The following PDE1A variants were observed in gnomAD, a reference collection of about 807,000 sequenced individuals.
PDE1A encodes dual specificity calcium/calmodulin-dependent 3',5'-cyclic nucleotide phosphodiesterase 1A.
Under a neutral mutation model 61.7 loss-of-function variants are expected in PDE1A, and 35 were observed. The ratio of observed to expected loss-of-function variants is 0.57; its 90% CI spans 0.43 to 0.75. The LOEUF (loss-of-function observed/expected upper bound fraction) is 0.75, where lower values mean the gene tolerates loss of function less well. Among genes scored for constraint, PDE1A ranks in the 30% least tolerant of loss-of-function variants. PDE1A has a pLI of 0.00. For synonymous variants in PDE1A, 232 were observed against 213.2 expected (o/e 1.09, Z -0.77); for missense variants, 597 against 630.6 (o/e 0.95, Z 0.57).
the PDE1A span, among the ~76,000 whole-genome samples, chr2:182,660,013 T>A: frequency 6.6e-6 from 1 of 152,212 alleles, no homozygotes; most frequent in East Asian, 1.9e-4. Context: ...TTACAATAAG[T>A]TACCAAATAT....
the PDE1A span, among the ~76,000 whole-genome samples, chr2:182,710,027 G>A: frequency 1.3e-5 from 2 of 152,130 alleles, no homozygotes; most frequent in Non-Finnish European, 2.9e-5. Flanking sequence ...CTCCCGAGTA[G>A]CTGGGATTAC....
At chr2:182,240,874 T>C (rs909747703) in intron 2 of PDE1A, among the ~76,000 whole-genome samples, 1 of 151,972 alleles carries the variant, frequency 6.6e-6, no homozygotes, top group African/African-American at 2.4e-5. Context: ...ATTCTATCAA[T>C]GTCACAGATT....
chr2:182,182,578 A>G (rs140145943), intron 13 of PDE1A, among the ~76,000 whole-genome samples: 60 of 152,198 alleles, frequency 3.9e-4, no homozygotes, highest in Non-Finnish European at 2.1e-4. Flanking sequence ...GTTCAGATCA[A>G]TCAACATTTT....
chr2:182,288,665 C>G (rs752700458), intron 1 of PDE1A, among the ~76,000 whole-genome samples: 1 of 151,988 alleles, frequency 6.6e-6, no homozygotes, highest in African/African-American at 2.4e-5. Flanking sequence ...AACTTGAACT[C>G]TTAAACAGAT....
chr2:182,662,079 G>A, the PDE1A span, among the ~76,000 whole-genome samples: 2 of 151,444 alleles, frequency 1.3e-5, no homozygotes, highest in Non-Finnish European at 2.9e-5. Flanking sequence ...TAGGGGAGAG[G>A]GGGCTTACCC....
At chr2:182,248,993 C>T (rs1691195483) in intron 2 of PDE1A, among the ~76,000 whole-genome samples, 1 of 152,208 alleles carries the variant, frequency 6.6e-6, no homozygotes, top group South Asian at 2.1e-4. Context: ...GACTAAACTG[C>T]TATATGTTCT....
chr2:182,656,965 C>T, the PDE1A span, among the ~76,000 whole-genome samples: 1 of 152,188 alleles, frequency 6.6e-6, no homozygotes, highest in South Asian at 2.1e-4. Flanking sequence ...TGGCTCATGC[C>T]TGTAATCCCA....
At chr2:182,172,081 C>T (rs763039601) in intron 13 of PDE1A, among the ~76,000 whole-genome samples, 1 of 151,900 alleles carries the variant, frequency 6.6e-6, no homozygotes, top group South Asian at 2.1e-4. Flanking sequence ...GGGGAACAAC[C>T]CTTACATTTA....
chr2:182,611,292 A>G, the PDE1A span, among the ~76,000 whole-genome samples: 6 of 152,230 alleles, frequency 3.9e-5, no homozygotes, highest in Non-Finnish European at 8.8e-5. Flanking sequence ...TGAGGAGCGC[A>G]GGAAAAACAA....
At chr2:182,278,414 G>A (rs1171307154) in intron 1 of PDE1A, among the ~76,000 whole-genome samples, 1 of 151,930 alleles carries the variant, frequency 6.6e-6, no homozygotes, top group African/African-American at 2.4e-5. Flanking sequence ...ACACTAAAAG[G>A]CTTCAGTTCT....
chr2:182,229,917 T>C (rs1574083909), intron 6 of PDE1A, 89 bp downstream of exon 6: 3 of 915,554 alleles, frequency 3.3e-6, no homozygotes, highest in Non-Finnish European at 5.0e-6. Flanking sequence ...AATACCTCTA[T>C]GGGCATTAAA....
At chr2:182,575,945 ATAT>A in the PDE1A span, among the ~76,000 whole-genome samples, 2 of 147,120 alleles carry the variant, frequency 1.4e-5, no homozygotes, top group Non-Finnish European at 3.0e-5. Context: ...TAGTATTAAT[ATAT>A]TATAATATAT....
At chr2:182,489,894 C>G (rs1688270994) in intron 2 of PDE1A, among the ~76,000 whole-genome samples, 1 of 152,126 alleles carries the variant, frequency 6.6e-6, no homozygotes, top group African/African-American at 2.4e-5. Flanking sequence ...AATATAGCAC[C>G]ATGATGCTGG....
chr2:182,305,963 T>C (rs1415322787), intron 1 of PDE1A, among the ~76,000 whole-genome samples: 6 of 152,154 alleles, frequency 3.9e-5, no homozygotes, highest in Non-Finnish European at 8.8e-5. Context: ...CATCATACTA[T>C]GCAATAGAGT....
intron 1 of PDE1A, among the ~76,000 whole-genome samples, chr2:182,316,844 A>G (rs988786813): frequency 2.0e-5 from 3 of 152,270 alleles, no homozygotes; most frequent in African/African-American, 7.2e-5. Context: ...TCTCATTTGG[A>G]TATGTGTTGG....
intron 2 of PDE1A, among the ~76,000 whole-genome samples, chr2:182,263,604 T>C (rs957248906): frequency 1.2e-4 from 19 of 152,180 alleles, no homozygotes; most frequent in Admixed American, 1.2e-3. Flanking sequence ...TAGCCCTGAT[T>C]AGCCTGTCAC....
the PDE1A span, among the ~76,000 whole-genome samples, chr2:182,611,479 AC>A: frequency 2.0e-5 from 3 of 152,202 alleles, no homozygotes; most frequent in Non-Finnish European, 4.4e-5. Context: ...AATCTTCTTA[AC>A]CAGTATAGAC....
intron 1 of PDE1A, among the ~76,000 whole-genome samples, chr2:182,297,389 T>C (rs1303326781): frequency 6.6e-6 from 1 of 152,198 alleles, no homozygotes. Flanking sequence ...ACAAGAGCTA[T>C]TTTTTAATCT....
Position 182,201,599 on chromosome 2 carries a change from G to A in PDE1A, c.1005-40C>T, listed in dbSNP as rs143288848. 3.8e-5 allele frequency: 60 copies of A among 1,586,122 alleles called. No homozygotes were observed. In the Middle Eastern group the frequency reaches 6.8e-4, roughly 18 times the overall value. On this transcript the variant is annotated intron_variant, in intron 9 of 13. Coordinates refer to ENST00000351439, the Ensembl canonical transcript of PDE1A. ...ACATGCTTATATTATTCAAAACAAA[G>A]GAAACAATTACAGTCTTTTCTGAGG...
Sources: allele counts gnomAD v4.1 joint callset (sites outside exome capture counted in the v4.1 genomes callset), GRCh38; gene constraint gnomAD v4.1.1; transcripts MANE v1.5; gene names NCBI Gene and HGNC (gene_info 2026-07-23, HGNC 2026-07-21).